The following PTPRT variants were observed in gnomAD, a reference collection of about 807,000 sequenced individuals.
PTPRT encodes the protein protein tyrosine phosphatase receptor type T, also known as receptor-type tyrosine-protein phosphatase T.
PTPRT carries 56 observed loss-of-function variants against 176.8 expected under a neutral mutation model. The observed-to-expected ratio is 0.32, with a 90% CI of 0.26 to 0.40. The LOEUF (loss-of-function observed/expected upper bound fraction) is 0.40. Among genes scored for constraint, PTPRT ranks in the 10% least tolerant of loss-of-function variants. The pLI is 1.00. For synonymous variants in PTPRT, 783 were observed against 739.0 expected (o/e 1.06, Z -0.96); for missense variants, 1,540 against 1,908.2 (o/e 0.81, Z 3.60).
intron 5 of PTPRT, among the ~76,000 whole-genome samples, chr20:42,764,315 G>C (rs550572117): frequency 6.6e-6 from 1 of 152,266 alleles, no homozygotes; most frequent in South Asian, 2.1e-4. Flanking sequence ...ATGTGGCTAG[G>C]AAGGGGATAA....
At chr20:42,982,710 G>A (rs924046586) in intron 1 of PTPRT, among the ~76,000 whole-genome samples, 1 of 152,124 alleles carries the variant, frequency 6.6e-6, no homozygotes, top group African/African-American at 2.4e-5. Flanking sequence ...CCAAGGACCT[G>A]GTTGCCTCCC....
Position 42,448,448 on chromosome 20 carries a change from G to T in PTPRT, c.1451-119C>A, listed in dbSNP as rs966158444. 7 of 726,974 alleles carry T rather than the reference G, an allele frequency of 9.6e-6. No individual in the cohort carries two copies. In the African/African-American group the frequency reaches 1.2e-4, roughly 13 times the overall value. The allele number at this position is 726,974 out of a possible 1,614,324, so 45.0% of individuals were successfully genotyped here. On this transcript the variant is annotated intron_variant, in intron 8 of 30. Transcript: ENST00000373187. ...AAGAACCAGATAGTAAATATTTTAGGTCTGATGGGCTGTACGTTCTCTGTT... is the reference window on the plus strand; with the variant it reads ...AAGAACCAGATAGTAAATATTTTAGTTCTGATGGGCTGTACGTTCTCTGTT...
rs138185808 is a variant in PTPRT, at chr20:43,115,403, T to C, written c.88+74243A>G. 4.1e-3 allele frequency among the ~76,000 whole-genome samples: 623 copies of C among 152,256 alleles called. 8 individuals carry two copies. Among genetic ancestry groups the C allele is most frequent in the African/African-American group, 0.014 (596 of 41,556 alleles). ...AAATCCAAAGCCCATCAAGAAACGT[T>C]CTCTGGGAGTTCTCCACTTTGTTCA... On this transcript the variant is annotated intron_variant, in intron 1 of 30. Transcript: ENST00000373187.
chr20:42,407,648 T>C (rs1243329812), intron 9 of PTPRT, among the ~76,000 whole-genome samples: 1 of 152,194 alleles, frequency 6.6e-6, no homozygotes, highest in Admixed American at 6.5e-5. Flanking sequence ...TTAACATTGT[T>C]TTGGTGGTTA....
intron 28 of PTPRT, among the ~76,000 whole-genome samples, chr20:42,085,128 G>C (rs1174565680): frequency 2.6e-5 from 4 of 152,144 alleles, no homozygotes; most frequent in Non-Finnish European, 2.9e-5. Flanking sequence ...CCCTGACTCT[G>C]TTGGGCAGAG....
At chr20:43,070,698 C>A (rs948250033) in intron 1 of PTPRT, among the ~76,000 whole-genome samples, 1 of 152,048 alleles carries the variant, frequency 6.6e-6, no homozygotes, top group African/African-American at 2.4e-5. Flanking sequence ...AGCTGGAAAC[C>A]ATCATTCTCG....
At chr20:42,355,736 C>T (rs2058349819) in intron 9 of PTPRT, among the ~76,000 whole-genome samples, 1 of 152,166 alleles carries the variant, frequency 6.6e-6, no homozygotes, top group Admixed American at 6.5e-5. Flanking sequence ...CGTGTGCTTG[C>T]ATTCTTTGAA....
At chr20:42,338,034 C>G (rs2058064237) in intron 11 of PTPRT, among the ~76,000 whole-genome samples, 1 of 152,206 alleles carries the variant, frequency 6.6e-6, no homozygotes. Context: ...CCTTTTCCAT[C>G]TGCCTGGAGC....
intron 9 of PTPRT, among the ~76,000 whole-genome samples, chr20:42,446,617 T>TGAGAGA (rs1204184063): frequency 2.0e-4 from 30 of 147,110 alleles, no homozygotes; most frequent in Non-Finnish European, 3.3e-4. Flanking sequence ...TGTGTGTGTG[T>TGAGAGA]GTGTGAGAGA....
At chr20:42,293,759 C>T (rs771752933) in intron 12 of PTPRT, among the ~76,000 whole-genome samples, 1 of 152,124 alleles carries the variant, frequency 6.6e-6, no homozygotes, top group Non-Finnish European at 1.5e-5. Context: ...TTACTCACCA[C>T]TAATTTTCCA....
At chr20:42,159,338 A>C (rs1394569996) in intron 17 of PTPRT, among the ~76,000 whole-genome samples, 7 of 151,724 alleles carry the variant, frequency 4.6e-5, no homozygotes, top group Non-Finnish European at 1.5e-5. Context: ...AATTATTAAA[A>C]TATAACCCAT....
At chr20:42,491,366 C>T (rs986736616) in intron 7 of PTPRT, among the ~76,000 whole-genome samples, 1 of 152,104 alleles carries the variant, frequency 6.6e-6, no homozygotes, top group East Asian at 1.9e-4. Flanking sequence ...GAGGTTTCAT[C>T]ACAGTATTCA....
intron 13 of PTPRT, among the ~76,000 whole-genome samples, chr20:42,260,207 G>A (rs1290910692): frequency 1.3e-5 from 2 of 152,180 alleles, no homozygotes; most frequent in Non-Finnish European, 1.5e-5. Flanking sequence ...CATGGTGTGG[G>A]ACACATCAGG....
chr20:42,465,775 TA>T (rs1021740894), intron 8 of PTPRT, among the ~76,000 whole-genome samples: 3 of 152,240 alleles, frequency 2.0e-5, no homozygotes, highest in African/African-American at 7.2e-5. Flanking sequence ...TTTTTATTTC[TA>T]ATTTAATTTA....
rs557690511 is a variant in PTPRT, at chr20:42,354,232, C to A, written c.1561-1947G>T. Among the ~76,000 whole-genome samples the A allele has an allele frequency of 2.0e-5, 3 of 152,318 alleles. No homozygotes were observed. The South Asian group carries it at 6.2e-4, about 32-fold the overall frequency. ...CTTGCCTACCCCCATCAGGGATCAC[C>A]TCTGTGTGACTTTTAACAGCATAGA... On this transcript the variant is annotated intron_variant, in intron 9 of 30. Transcript: ENST00000373187.
At chr20:42,704,466 T>C (rs2076021485) in intron 6 of PTPRT, among the ~76,000 whole-genome samples, 1 of 151,980 alleles carries the variant, frequency 6.6e-6, no homozygotes, top group Non-Finnish European at 1.5e-5. Context: ...CCTTTCCTGA[T>C]ACAGAATTCT....
At chr20:42,607,659 C>T (rs910321404) in intron 7 of PTPRT, 1 of 152,220 alleles carries the variant, frequency 6.6e-6, no homozygotes, top group African/African-American at 2.4e-5. Context: ...AAATAAAGAA[C>T]AAAACAAGCC....
intron 1 of PTPRT, among the ~76,000 whole-genome samples, chr20:42,997,624 G>A (rs1210623109): frequency 6.6e-6 from 1 of 152,138 alleles, no homozygotes; most frequent in East Asian, 1.9e-4. Context: ...TTATTGTTCT[G>A]AGCCACTAAG....
At position 42,963,688 on chromosome 20, in the gene PTPRT, G is replaced by C. The variant is rs200274565; in HGVS notation, c.89-77756C>G. Among the ~76,000 whole-genome samples the C allele has an allele frequency of 2.6e-5, 4 of 152,170 alleles. No homozygotes were observed. The East Asian group carries it at 7.7e-4, about 29-fold the overall frequency. On this transcript the variant is annotated intron_variant, in intron 1 of 30. Coordinates refer to ENST00000373187, the MANE Select transcript of PTPRT (RefSeq NM_007050.6). The stretch of plus-strand genomic sequence containing the variant: ...ACTTACCATTAACAACTGAGAAAAT[G>C]AGTAAGGCTTATATAAGGGTAGGTC...
Sources: gnomAD v4.1 joint callset for allele counts (sites outside exome capture counted in the v4.1 genomes callset) on GRCh38, gnomAD v4.1.1 for gene constraint, MANE v1.5 for transcripts, NCBI Gene and HGNC (gene_info 2026-07-23, HGNC 2026-07-21) for gene names.